Variants in CCDC34 observed in about 807,000 individuals in gnomAD.
CCDC34 encodes coiled-coil domain-containing protein 34.
CCDC34 carries 40 observed loss-of-function variants against 44.1 expected under a neutral mutation model. The observed-to-expected ratio is 0.91, with a 90% CI of 0.70 to 1.18. The LOEUF (loss-of-function observed/expected upper bound fraction) is 1.18, where lower values mean the gene tolerates loss of function less well. CCDC34 is among the 50% of genes most tolerant of loss of function. The pLI is 0.00. For synonymous variants in CCDC34, 159 were observed against 158.2 expected (o/e 1.01, Z -0.04); for missense variants, 466 against 452.3 (o/e 1.03, Z -0.28).
Position 27,338,733 on chromosome 11 carries a change from T to C in CCDC34, c.*88A>G. ...GCTATTTGTCAATAATCACATTAAG[T>C]GTTGAGTTATTGACTGAGCAGTAAA... is the stretch of plus-strand genomic sequence containing the variant. On this transcript the variant is annotated 3_prime_UTR_variant, in exon 6 of 6. Transcript: ENST00000328697. 3.0e-6 allele frequency: 3 copies of C among 1,006,350 alleles called. No homozygotes were observed. Among genetic ancestry groups the C allele is most frequent in the Non-Finnish European group, 4.6e-6 (3 of 656,700 alleles). The allele number at this position is 1,006,350 out of a possible 1,614,324, so 62.3% of individuals were successfully genotyped here. A position where few individuals can be genotyped will look rare whatever the true frequency, so the allele number is the denominator to read the frequency against.
intron 1 of CCDC34, among the ~76,000 whole-genome samples, chr11:27,357,890 T>C (rs1458440154): frequency 6.6e-6 from 1 of 152,128 alleles, no homozygotes; most frequent in Non-Finnish European, 1.5e-5. Context: ...TTACAACATA[T>C]AATCCTAATC....
chr11:27,360,546 A>G (rs192575202), intron 1 of CCDC34, among the ~76,000 whole-genome samples: 114 of 152,014 alleles, frequency 7.5e-4, no homozygotes, highest in African/African-American at 2.6e-3. Flanking sequence ...TCTCTGCTTC[A>G]CACAGAATAC....
In CCDC34 at chr11:27,357,555, G is replaced by A; in HGVS notation, c.360-14C>T. 1 of 1,611,812 alleles carries A rather than the reference G, an allele frequency of 6.2e-7. No individual in the cohort carries two copies. The highest frequency in any genetic ancestry group is 8.5e-7 in the Non-Finnish European group (1 of 1,178,700). On this transcript the variant is annotated splice_polypyrimidine_tract_variant and intron_variant, in intron 1 of 5. Transcript: ENST00000328697. ...TCAACCTGAGTGCTACAAAAGAGAG[G>A]CTACTATAGTACTTGTACAAGAACC... is the stretch of plus-strand genomic sequence containing the variant.
Position 27,341,441 on chromosome 11 carries a change from C to A in CCDC34, c.716G>T (p.Trp239Leu), listed in dbSNP as rs1204696640. Residue 239 changes from tryptophan to leucine, a missense_variant, in exon 4 of 6, where the codon TGG becomes TTG. Coordinates refer to ENST00000328697, the MANE Select transcript of CCDC34 (RefSeq NM_030771.2). ...TTCTTCAGCATTTTTTTTCTTTAAC[C>A]ATTCTTGATATTTTTCTTTTGCTTT... is the stretch of plus-strand genomic sequence containing the variant. ...QEKAKEKYQE[W>L]LKKKNAEECE... is the part of the protein sequence containing the mutation. 2.1e-6 allele frequency: 3 copies of A among 1,454,250 alleles called. No individual in the cohort carries two copies. Among genetic ancestry groups the A allele is most frequent in the Non-Finnish European group, 2.8e-6 (3 of 1,078,758 alleles). 90.1% of individuals were successfully genotyped at this position (1,454,250 alleles called of 1,614,324 possible). A position where few individuals can be genotyped will look rare whatever the true frequency, so the allele number is the denominator to read the frequency against.
chr11:27,361,790 G>T (rs974632227), intron 1 of CCDC34, among the ~76,000 whole-genome samples: 2 of 152,176 alleles, frequency 1.3e-5, no homozygotes, highest in Non-Finnish European at 2.9e-5. Context: ...CATAAAGCAT[G>T]AGTTCTCTGG....
At chr11:27,350,039 A>AC in intron 3 of CCDC34, 1 of 1,247,402 alleles carries the variant, frequency 8.0e-7, no homozygotes, top group Non-Finnish European at 1.0e-6. Flanking sequence ...AGATTTGCAG[A>AC]CTTGGAGGCA....
rs146985302 is a variant in CCDC34 at position 27,357,478 on chromosome 11, G to A, written c.423C>T (p.Arg141=). The change falls in exon 2 of 6, where the codon CGC becomes CGT. Residue 141 remains arginine, a synonymous_variant. Coordinates refer to ENST00000328697, the MANE Select transcript of CCDC34 (RefSeq NM_030771.2). The stretch of plus-strand genomic sequence containing the variant: ...TAAACCACACCTCCCATGGTGTCAG[G>A]CGGCTTTCTGGTAAGCGCACCTGTT... ...EQKQVRLPES[R]LTPWEVWFIG... 83 of 1,613,834 alleles carry A rather than the reference G, an allele frequency of 5.1e-5. No homozygotes were observed. In the African/African-American group the frequency reaches 1.0e-3, roughly 20 times the overall value.
chr11:27,362,021 T>C lies in CCDC34; in HGVS notation c.359+815A>G, dbSNP rs916278944. On this transcript the variant is annotated intron_variant, in intron 1 of 5. Transcript: ENST00000328697. ...GAAAGAGAACATGATCTGTCTATCTTCGTAGTAGACCCAGGTCTGCTAATA... is the reference window on the plus strand; with the variant it reads ...GAAAGAGAACATGATCTGTCTATCTCCGTAGTAGACCCAGGTCTGCTAATA... Among the ~76,000 whole-genome samples, 5 of 152,198 alleles carry C rather than the reference T, an allele frequency of 3.3e-5. No homozygotes were observed. The East Asian group carries it at 9.6e-4, about 29-fold the overall frequency.
chr11:27,360,861 G>C (rs982430873), intron 1 of CCDC34, among the ~76,000 whole-genome samples: 1 of 152,202 alleles, frequency 6.6e-6, no homozygotes, highest in African/African-American at 2.4e-5. Flanking sequence ...TCAGCATGTG[G>C]AGACATGGTT....
chr11:27,350,778 T>C (rs1862495724), intron 2 of CCDC34, among the ~76,000 whole-genome samples: 1 of 152,198 alleles, frequency 6.6e-6, no homozygotes, highest in African/African-American at 2.4e-5. Context: ...CTCAAGAGAA[T>C]TGCAACTTTT....
intron 2 of CCDC34, among the ~76,000 whole-genome samples, chr11:27,353,986 A>T (rs1247179024): frequency 6.6e-6 from 1 of 152,190 alleles, no homozygotes; most frequent in Non-Finnish European, 1.5e-5. Context: ...ATGGTTAAAA[A>T]TTTGATATGG....
intron 2 of CCDC34, among the ~76,000 whole-genome samples, chr11:27,353,571 CAACAA>C (rs1393264929): frequency 6.6e-6 from 1 of 151,938 alleles, no homozygotes. Flanking sequence ...TTTATCATCT[CAACAA>C]AAGTTACAAA....
Position 27,350,409 on chromosome 11 carries a change from C to G in CCDC34, c.529G>C (p.Glu177Gln), listed in dbSNP as rs776561161. The G allele has an allele frequency of 6.2e-7, 1 of 1,609,374 alleles. No homozygotes were observed. Among genetic ancestry groups the G allele is most frequent in the Non-Finnish European group, 8.5e-7 (1 of 1,177,764 alleles). ...ELNQQLEKRK[E>Q]MEEREKRKII... ...TTTCTTTTTTCACGTTCTTCCATTTCTTTTCTTTTTTCTAGTTGTTGATTT... is the reference window on the plus strand; with the variant it reads ...TTTCTTTTTTCACGTTCTTCCATTTGTTTTCTTTTTTCTAGTTGTTGATTT... The change falls in exon 3 of 6, where the codon GAA becomes CAA. Residue 177 changes from glutamate (E) to glutamine (Q), a missense_variant. Coordinates refer to ENST00000328697, the MANE Select transcript of CCDC34 (RefSeq NM_030771.2).
At chr11:27,341,793 T>C (rs962903696) in intron 3 of CCDC34, among the ~76,000 whole-genome samples, 1 of 152,178 alleles carries the variant, frequency 6.6e-6, no homozygotes, top group Admixed American at 6.5e-5. Context: ...TGCTCACCAA[T>C]GTCCACTCAG....
intron 3 of CCDC34, among the ~76,000 whole-genome samples, chr11:27,347,867 T>C (rs1862454780): frequency 1.3e-5 from 2 of 152,142 alleles, no homozygotes; most frequent in African/African-American, 2.4e-5. Flanking sequence ...ATAGTTGTAT[T>C]TTATTGTATG....
chr11:27,342,914 C>A (rs1451322261), intron 3 of CCDC34, among the ~76,000 whole-genome samples: 1 of 152,094 alleles, frequency 6.6e-6, no homozygotes, highest in Non-Finnish European at 1.5e-5. Context: ...ATCTGGAAGG[C>A]ATAAAAAGTA....
intron 3 of CCDC34, chr11:27,348,808 A>G (rs995002641): frequency 1.1e-6 from 1 of 904,010 alleles, no homozygotes; most frequent in African/African-American, 1.8e-5. Flanking sequence ...TTAAAGAAAA[A>G]AAAAAAAAAA....
chr11:27,349,617 A>T (rs1401671209), intron 3 of CCDC34: 2 of 982,890 alleles, frequency 2.0e-6, no homozygotes, highest in Admixed American at 1.2e-4. Context: ...AGACAAATTG[A>T]CCACAGAATA....
intron 1 of CCDC34, among the ~76,000 whole-genome samples, chr11:27,359,193 T>C (rs550748657): frequency 3.3e-5 from 5 of 152,272 alleles, no homozygotes; most frequent in East Asian, 1.9e-4. Flanking sequence ...TTCAATGGCA[T>C]CTTTACCCAC....
Sources: gnomAD v4.1 joint callset for allele counts (sites outside exome capture counted in the v4.1 genomes callset) on GRCh38, gnomAD v4.1.1 for gene constraint, MANE v1.5 for transcripts, NCBI Gene and HGNC (gene_info 2026-07-23, HGNC 2026-07-21) for gene names.